The following BTBD9 variants were observed in gnomAD, a reference collection of about 807,000 sequenced individuals.
BTBD9 encodes the protein BTB/POZ domain-containing protein 9.
A neutral mutation model predicts 64.3 loss-of-function variants in BTBD9; 49 were observed. The ratio of observed to expected loss-of-function variants is 0.76; its 90% CI spans 0.61 to 0.97. The LOEUF is 0.97. Among genes scored for constraint, BTBD9 ranks in the 50% least tolerant of loss-of-function variants. The probability of loss-of-function intolerance (pLI) is 0.00; values close to 1 mark genes in which losing one functional copy is unlikely to be tolerated. For missense variants in BTBD9, 598 were observed against 762.1 expected, an observed-to-expected ratio of 0.78 and a Z score of 2.53; for synonymous variants, 260 against 274.7, an observed-to-expected ratio of 0.95 and a Z score of 0.53.
At chr6:38,488,940 G>A (rs1771577186) in intron 6 of BTBD9, among the ~76,000 whole-genome samples, 1 of 149,220 alleles carries the variant, frequency 6.7e-6, no homozygotes, top group African/African-American at 2.5e-5. Context: ...TCATCATCCA[G>A]GCTGGAGTAC....
chr6:38,599,382 CTCAAG>C (rs1777169600), intron 1 of BTBD9, among the ~76,000 whole-genome samples: 1 of 152,134 alleles, frequency 6.6e-6, no homozygotes, highest in South Asian at 2.1e-4. Flanking sequence ...AACTCCTGGG[CTCAAG>C]TGATCCTCCC....
intron 7 of BTBD9, among the ~76,000 whole-genome samples, chr6:38,309,090 C>T (rs1762733630): frequency 6.6e-6 from 1 of 151,796 alleles, no homozygotes; most frequent in African/African-American, 2.4e-5. Context: ...CACAAAAAGG[C>T]CAGGTGCAGT....
intron 6 of BTBD9, among the ~76,000 whole-genome samples, chr6:38,507,806 T>A (rs1772599383): frequency 6.6e-6 from 1 of 151,494 alleles, no homozygotes. Flanking sequence ...TCAGTTACTA[T>A]CAATATGAAA....
Position 38,592,568 on chromosome 6 carries a change from G to A in BTBD9, c.814+8C>T, listed in dbSNP as rs761349610. 2.6e-5 allele frequency: 42 copies of A among 1,613,572 alleles called. No individual in the cohort carries two copies. Among genetic ancestry groups the A allele is most frequent in the Middle Eastern group, 1.6e-4 (1 of 6,076 alleles). On this transcript the variant is annotated splice_region_variant and intron_variant, in intron 4 of 10. Transcript: ENST00000481247. Reference sequence around the variant, plus strand: ...TCTTGGTTGAGTTTAGGATAGACAGGTACTTACTGAGCATGCCTCTATAAT... The same window carrying A: ...TCTTGGTTGAGTTTAGGATAGACAGATACTTACTGAGCATGCCTCTATAAT...
intron 4 of BTBD9, among the ~76,000 whole-genome samples, chr6:38,586,201 A>G (rs1776513586): frequency 1.3e-5 from 2 of 152,242 alleles, no homozygotes; most frequent in South Asian, 4.1e-4. Context: ...TAGGATAGAT[A>G]GAAATATCTC....
intron 9 of BTBD9, among the ~76,000 whole-genome samples, chr6:38,220,830 C>A (rs965515097): frequency 2.6e-5 from 4 of 152,212 alleles, no homozygotes; most frequent in African/African-American, 4.8e-5. Flanking sequence ...GGGACACTAC[C>A]AGGCCTGGCA....
At chr6:38,635,870 A>G (rs1394208216) in intron 1 of BTBD9, among the ~76,000 whole-genome samples, 1 of 152,206 alleles carries the variant, frequency 6.6e-6, no homozygotes, top group African/African-American at 2.4e-5. Context: ...AATATGAAAT[A>G]GCAGCACAAA....
At chr6:38,479,870 A>G (rs534839893) in intron 6 of BTBD9, among the ~76,000 whole-genome samples, 1 of 152,260 alleles carries the variant, frequency 6.6e-6, no homozygotes, top group South Asian at 2.1e-4. Flanking sequence ...CTGGGACTAC[A>G]GGTGTGCACC....
At chr6:38,633,927 T>C (rs541912832) in intron 1 of BTBD9, among the ~76,000 whole-genome samples, 6 of 152,222 alleles carry the variant, frequency 3.9e-5, no homozygotes, top group Non-Finnish European at 8.8e-5. Flanking sequence ...CTTAAGATTA[T>C]AAAAGTCAGG....
rs185361531 is a variant in BTBD9 at position 38,256,308 on chromosome 6, A to C, written c.1562+101T>G. ...AGTGTGTTTTCCACCTCCAAATAAG[A>C]ATGTAATTTGGCGATTCTATGAATT... On this transcript the variant is annotated intron_variant, in intron 9 of 10. Coordinates refer to ENST00000481247, the MANE Select transcript of BTBD9 (RefSeq NM_001099272.2). 2.1e-5 allele frequency: 16 copies of C among 770,958 alleles called. No individual in the cohort carries two copies. In the African/African-American group the frequency reaches 2.4e-4, roughly 12 times the overall value. The allele number at this position is 770,958 out of a possible 1,614,324, so 47.8% of individuals were successfully genotyped here.
At chr6:38,305,648 ATT>A (rs931476243) in intron 7 of BTBD9, among the ~76,000 whole-genome samples, 1 of 150,854 alleles carries the variant, frequency 6.6e-6, no homozygotes, top group Non-Finnish European at 1.5e-5. Flanking sequence ...CACCGGGCTA[ATT>A]TTTTTTTGTT....
chr6:38,223,023 C>T (rs1439344832), intron 9 of BTBD9, among the ~76,000 whole-genome samples: 2 of 152,094 alleles, frequency 1.3e-5, no homozygotes, highest in Admixed American at 6.5e-5. Flanking sequence ...TCTCCTGCCT[C>T]GCCTCTCAAG....
intron 6 of BTBD9, among the ~76,000 whole-genome samples, chr6:38,420,148 A>C (rs1767840263): frequency 6.6e-6 from 1 of 152,222 alleles, no homozygotes. Flanking sequence ...ACAACAATTT[A>C]TAATACTAAT....
chr6:38,366,553 C>G (rs1765190418), intron 6 of BTBD9, among the ~76,000 whole-genome samples: 1 of 152,180 alleles, frequency 6.6e-6, no homozygotes, highest in South Asian at 2.1e-4. Flanking sequence ...TAAAATGAGG[C>G]CTGGCCTTTC....
chr6:38,239,925 A>G (rs999291558), intron 9 of BTBD9, among the ~76,000 whole-genome samples: 1 of 152,242 alleles, frequency 6.6e-6, no homozygotes, highest in Non-Finnish European at 1.5e-5. Context: ...ACCTTATCAG[A>G]AAGAGCAGCC....
chr6:38,575,799 C>T (rs1291406028), intron 6 of BTBD9, among the ~76,000 whole-genome samples: 1 of 151,700 alleles, frequency 6.6e-6, no homozygotes, highest in Admixed American at 6.6e-5. Context: ...TTTTTTCAAC[C>T]AGAATTGGGA....
intron 7 of BTBD9, among the ~76,000 whole-genome samples, chr6:38,336,347 T>C (rs1763889737): frequency 1.3e-5 from 2 of 152,298 alleles, no homozygotes; most frequent in South Asian, 4.1e-4. Flanking sequence ...TACCCGAGAC[T>C]GAGTAATTTA....
At chr6:38,613,335 T>C (rs536580293) in intron 1 of BTBD9, among the ~76,000 whole-genome samples, 1 of 152,264 alleles carries the variant, frequency 6.6e-6, no homozygotes, top group South Asian at 2.1e-4. Context: ...AGAATTAAAA[T>C]CTCAGGCCGG....
chr6:38,486,101 C>T (rs1467558542), intron 6 of BTBD9, among the ~76,000 whole-genome samples: 4 of 152,220 alleles, frequency 2.6e-5, no homozygotes, highest in African/African-American at 9.6e-5. Context: ...TCAACCTCTG[C>T]TAGCTCTAAG....
Sources: allele counts gnomAD v4.1 joint callset (sites outside exome capture counted in the v4.1 genomes callset), GRCh38; gene constraint gnomAD v4.1.1; transcripts MANE v1.5; gene names NCBI Gene and HGNC (gene_info 2026-07-23, HGNC 2026-07-21).